Variants in ZNF536 observed in about 807,000 individuals in gnomAD.
ZNF536 encodes zinc finger protein 536.
ZNF536 carries 13 observed loss-of-function variants against 84.5 expected under a neutral mutation model. That is an observed-to-expected ratio of 0.15 (90% CI 0.10 to 0.24). The LOEUF is 0.24. ZNF536 is among the 10% of genes least tolerant of loss of function. The pLI is 1.00. For missense variants in ZNF536, 1,536 were observed against 1,747.5 expected (o/e 0.88, Z 2.16); for synonymous variants, 811 against 742.5 (o/e 1.09, Z -1.50).
intron 1 of ZNF536, among the ~76,000 whole-genome samples, chr19:30,600,317 C>T (rs1304124284): frequency 6.6e-6 from 1 of 152,086 alleles, no homozygotes; most frequent in East Asian, 1.9e-4. Flanking sequence ...GGTCTTGGAA[C>T]TTCTGACCTC....
At chr19:30,409,042 T>TCATCCATCCATCCACTCATC (rs2050379659) in intron 1 of ZNF536, among the ~76,000 whole-genome samples, 3 of 147,304 alleles carry the variant, frequency 2.0e-5, no homozygotes, top group Non-Finnish European at 4.5e-5. Flanking sequence ...ATCCACTCAT[T>TCATCCATCCATCCACTCATC]CATCCATCCA....
At chr19:30,413,277 C>A (rs1021230052) in intron 1 of ZNF536, among the ~76,000 whole-genome samples, 1 of 151,840 alleles carries the variant, frequency 6.6e-6, no homozygotes, top group Non-Finnish European at 1.5e-5. Flanking sequence ...ATTTTTATTA[C>A]CCCCCTCCCT....
chr19:30,575,734 CT>C (rs1217821123), intron 1 of ZNF536, among the ~76,000 whole-genome samples: 1 of 152,218 alleles, frequency 6.6e-6, no homozygotes, highest in East Asian at 1.9e-4. Context: ...GGTGCTGCTA[CT>C]TTCCAGAGGT....
At chr19:30,363,331 CCCT>C (rs2048333155) in intron 3 of ZNF536, among the ~76,000 whole-genome samples, 1 of 152,122 alleles carries the variant, frequency 6.6e-6, no homozygotes, top group Non-Finnish European at 1.5e-5. Flanking sequence ...CTGTTGTGAC[CCCT>C]TGAGTTTTCT....
intron 1 of ZNF536, among the ~76,000 whole-genome samples, chr19:30,696,150 AC>A (rs2051647325): frequency 6.6e-6 from 1 of 152,220 alleles, no homozygotes; most frequent in African/African-American, 2.4e-5. Context: ...AAAGCTGTTA[AC>A]CTGAAAAGTG....
chr19:30,576,557 C>T (rs1221576163), intron 1 of ZNF536, among the ~76,000 whole-genome samples: 1 of 152,196 alleles, frequency 6.6e-6, no homozygotes, highest in African/African-American at 2.4e-5. Flanking sequence ...AGGCTGTGCT[C>T]TTCTACGCTA....
At chr19:30,539,214 T>C (rs1599735597) in intron 3 of ZNF536, among the ~76,000 whole-genome samples, 1 of 152,094 alleles carries the variant, frequency 6.6e-6, no homozygotes, top group Non-Finnish European at 1.5e-5. Flanking sequence ...AGATCTGTAA[T>C]TGGTGAGCTG....
At chr19:30,303,824 A>G (rs1384464009) in intron 2 of ZNF536, among the ~76,000 whole-genome samples, 1 of 152,256 alleles carries the variant, frequency 6.6e-6, no homozygotes, top group African/African-American at 2.4e-5. Context: ...GATAGCAGAT[A>G]CTATCGGTGC....
At chr19:30,246,221 G>C (rs1221269778) in intron 1 of ZNF536, among the ~76,000 whole-genome samples, 1 of 152,138 alleles carries the variant, frequency 6.6e-6, no homozygotes, top group Non-Finnish European at 1.5e-5. Flanking sequence ...CTCCTGTCTT[G>C]GGGAGCTTAC....
At chr19:30,354,071 G>T (rs1245496058) in intron 3 of ZNF536, among the ~76,000 whole-genome samples, 4 of 152,206 alleles carry the variant, frequency 2.6e-5, no homozygotes, top group Non-Finnish European at 4.4e-5. Flanking sequence ...TGAACTACCT[G>T]CCCAGGTGCC....
chr19:30,652,570 G>A (rs1271742954), intron 1 of ZNF536, among the ~76,000 whole-genome samples: 1 of 152,094 alleles, frequency 6.6e-6, no homozygotes, highest in Non-Finnish European at 1.5e-5. Flanking sequence ...TCATCCTGAG[G>A]CCCCCATGGA....
At chr19:30,370,288 G>T (rs1480359446), upstream of ZNF536, among the ~76,000 whole-genome samples, 1 of 152,140 alleles carries the variant, frequency 6.6e-6, no homozygotes, top group African/African-American at 2.4e-5. Flanking sequence ...TATGACTCTG[G>T]TTGAATGGCG....
rs771868226 is a variant in ZNF536, at chr19:30,548,952, C to T, written c.3333C>T (p.Phe1111=). 1 of 1,614,158 alleles carries T rather than the reference C, an allele frequency of 6.2e-7. No individual in the cohort carries two copies. The highest frequency in any genetic ancestry group is 8.5e-7 in the Non-Finnish European group (1 of 1,180,028). Residue 1111 remains phenylalanine (F), a synonymous_variant, in exon 4 of 5, where the codon TTC becomes TTT. Coordinates refer to ENST00000355537, the MANE Select transcript of ZNF536 (RefSeq NM_014717.3). ...CATTTTGTAACTTCCCATCAGACTT[C>T]TACAAGCAGTTTGGTGTTTACCCAG... ...DPAFCNFPSD[F]YKQFGVYPGM...
chr19:30,439,450 G>C (rs1164125077), intron 1 of ZNF536, among the ~76,000 whole-genome samples: 1 of 152,168 alleles, frequency 6.6e-6, no homozygotes, highest in Non-Finnish European at 1.5e-5. Context: ...TCCCAGGCCG[G>C]GCCTGGGGCC....
At chr19:30,459,574 C>A (rs1299854291) in intron 2 of ZNF536, among the ~76,000 whole-genome samples, 1 of 152,162 alleles carries the variant, frequency 6.6e-6, no homozygotes, top group African/African-American at 2.4e-5. Flanking sequence ...TGGTCTCGAA[C>A]TCCTGACCTC....
intron 1 of ZNF536, among the ~76,000 whole-genome samples, chr19:30,599,228 CT>C (rs2047587800): frequency 1.1e-5 from 1 of 94,466 alleles, no homozygotes; most frequent in African/African-American, 4.6e-5. Flanking sequence ...CTCCCTCCCC[CT>C]CCCTCCACCC....
rs764634734 is a variant in ZNF536, at chr19:30,534,900, C to T, written c.2224C>T (p.Arg742Cys). The part of the protein sequence containing the change: ...SAGVQQPALL[R>C]DRSLGSAMKD... ...CGGCGTCCAGCAACCAGCGCTGCTT[C>T]GCGACAGAAGCCTGGGCTCGGCCAT... Residue 742 changes from arginine (R) to cysteine (C), a missense_variant, in exon 3 of 5, where the codon CGC becomes TGC. Around this residue, in one of 8 missense-constraint regions of ZNF536, gnomAD observed 148 missense variants for 205.4 expected, o/e 0.72. Coordinates refer to ENST00000355537, the MANE Select transcript of ZNF536 (RefSeq NM_014717.3). The T allele has an allele frequency of 1.4e-5, 22 of 1,613,748 alleles. No individual in the cohort carries two copies. The highest frequency in any genetic ancestry group is 8.8e-5 in the South Asian group (8 of 90,964).
intron 1 of ZNF536, among the ~76,000 whole-genome samples, chr19:30,418,994 G>A (rs183018236): frequency 9.1e-4 from 138 of 152,152 alleles, no homozygotes; most frequent in African/African-American, 3.2e-3. Context: ...GAAACGATGC[G>A]TGTCCATGAA....
intron 2 of ZNF536, among the ~76,000 whole-genome samples, chr19:30,450,580 A>C (rs2052555881): frequency 1.4e-5 from 1 of 71,870 alleles, no homozygotes; most frequent in Admixed American, 1.2e-4. Context: ...AATGCTTAAA[A>C]ATTTTTTTAG....
Sources: allele counts gnomAD v4.1 joint callset (sites outside exome capture counted in the v4.1 genomes callset), GRCh38; gene constraint gnomAD v4.1.1; regional missense constraint gnomAD v4.1.1; transcripts MANE v1.5; gene names NCBI Gene and HGNC (gene_info 2026-07-23, HGNC 2026-07-21).